IFITM10: variants seen among roughly 807,000 people sequenced by gnomAD.
IFITM10 encodes interferon-induced transmembrane protein 10.
In IFITM10, 17 loss-of-function variants were observed where a neutral mutation model predicts 19.0. The ratio of observed to expected loss-of-function variants is 0.90; its 90% CI spans 0.61 to 1.34. The LOEUF (loss-of-function observed/expected upper bound fraction) is 1.34. IFITM10 is among the 40% of genes most tolerant of loss of function. The pLI is 0.00. For missense variants in IFITM10, 306 were observed against 319.8 expected (o/e 0.96, Z 0.33); for synonymous variants, 148 against 147.2 (o/e 1.01, Z -0.04).
rs575147109 is a variant in IFITM10 at position 1,736,097 on chromosome 11, C to T, written c.538-668G>A. ...GGCCCTCCCCTCCTCAGCACTCTTT[C>T]CTTCTATCACATCCACAAATATGTG... On this transcript the variant is annotated intron_variant, in intron 2 of 2. Transcript: ENST00000340134. Among the ~76,000 whole-genome samples the T allele has an allele frequency of 6.5e-4, 99 of 152,324 alleles. 1 individual carries two copies. The highest frequency in any genetic ancestry group is 3.4e-3 in the Middle Eastern group (1 of 294).
At chr11:1,749,377 C>T (rs988333776) in intron 1 of IFITM10, among the ~76,000 whole-genome samples, 2 of 151,940 alleles carry the variant, frequency 1.3e-5, no homozygotes, top group Non-Finnish European at 2.9e-5. Flanking sequence ...ACCAGGGTGT[C>T]CGCGCCACCT....
chr11:1,746,482 TCA>T (rs1463314485), intron 2 of IFITM10: 1 of 397,492 alleles, frequency 2.5e-6, no homozygotes, highest in African/African-American at 2.1e-5. Flanking sequence ...ACGTGCTGGC[TCA>T]CACACAGGCC....
chr11:1,749,977 A>G lies in IFITM10; in HGVS notation c.84+382T>C, dbSNP rs573043004. Among the ~76,000 whole-genome samples the G allele has an allele frequency of 5.8e-3, 885 of 152,150 alleles. 1 individual carries two copies. The highest frequency in any genetic ancestry group is 0.034 in the Middle Eastern group (10 of 294). ...CCCAGGTCATGCTCCATCTGCTCGC[A>G]GGGCAAAGTGTCCCGTTCCGAGCTC... On this transcript the variant is annotated intron_variant, in intron 1 of 2. Transcript: ENST00000340134.
At position 1,747,939 on chromosome 11, in the gene IFITM10, G is replaced by A; in HGVS notation, c.265C>T (p.Pro89Ser). Residue 89 changes from proline (P) to serine (S), a missense_variant, in exon 2 of 3, where the codon CCT becomes TCT. Coordinates refer to ENST00000340134, the MANE Select transcript of IFITM10 (RefSeq NM_001170820.4). ...GGAGAGGCCGAGGGCTCAGGGGCAGGGGCCGCCGGAGCCTGCAGGGCAGGG... is the reference window on the plus strand; with the variant it reads ...GGAGAGGCCGAGGGCTCAGGGGCAGAGGCCGCCGGAGCCTGCAGGGCAGGG... ...KPPALQAPAA[P>S]APEPSASPPM... 6.8e-7 allele frequency: 1 copy of A among 1,476,584 alleles called. No homozygotes were observed. Among genetic ancestry groups the A allele is most frequent in the Non-Finnish European group, 9.0e-7 (1 of 1,111,138 alleles). 91.5% of individuals were successfully genotyped at this position (1,476,584 alleles called of 1,614,324 possible).
At chr11:1,749,651 G>A (rs373881962) in intron 1 of IFITM10, among the ~76,000 whole-genome samples, 57 of 151,596 alleles carry the variant, frequency 3.8e-4, no homozygotes, top group African/African-American at 1.4e-3. Flanking sequence ...CCCTCCTGAC[G>A]AAGCTCCAGT....
intron 2 of IFITM10, 25 bp downstream of exon 2, chr11:1,747,642 G>A: frequency 6.5e-7 from 1 of 1,547,236 alleles, no homozygotes; most frequent in South Asian, 1.2e-5. Flanking sequence ...GCCCGCCCTT[G>A]CCCCCTGCCA....
chr11:1,744,554 C>A (rs1384169011), intron 2 of IFITM10: 1 of 152,690 alleles, frequency 6.5e-6, no homozygotes, highest in Non-Finnish European at 1.5e-5. Flanking sequence ...TCTCTGCCTT[C>A]CCCGGACACC....
At chr11:1,735,867 T>G (rs1851081897) in intron 2 of IFITM10, among the ~76,000 whole-genome samples, 1 of 152,178 alleles carries the variant, frequency 6.6e-6, no homozygotes, top group Admixed American at 6.5e-5. Context: ...TCTCCTAATT[T>G]GATTGGTTCT....
chr11:1,746,351 C>A, intron 2 of IFITM10: 1 of 391,846 alleles, frequency 2.6e-6, no homozygotes. Flanking sequence ...CATGCACACA[C>A]ATGCACACAC....
intron 1 of IFITM10, chr11:1,749,058 G>A: frequency 8.8e-7 from 1 of 1,134,888 alleles, no homozygotes; most frequent in Non-Finnish European, 1.1e-6. Flanking sequence ...CCTGAGCCTC[G>A]GTGCGCGCGT....
intron 2 of IFITM10, 116 bp downstream of exon 2, chr11:1,747,551 G>C (rs965708033): frequency 3.3e-6 from 3 of 902,512 alleles, no homozygotes; most frequent in African/African-American, 1.7e-5. Context: ...AACTGCACCT[G>C]TTCTACCCGT....
At chr11:1,748,885 T>C (rs1262555523) in intron 1 of IFITM10, 1 of 205,128 alleles carries the variant, frequency 4.9e-6, no homozygotes, top group Middle Eastern at 2.0e-3. Flanking sequence ...AGGCACCAAG[T>C]CGCTCGCGCT....
At chr11:1,744,519 A>G (rs151187484) in intron 2 of IFITM10, 4 of 152,924 alleles carry the variant, frequency 2.6e-5, no homozygotes, top group African/African-American at 9.6e-5. Context: ...TGGAGGCGGC[A>G]TGAATGGAGA....
At chr11:1,750,317 C>A in intron 1 of IFITM10, 42 bp downstream of exon 1, 2 of 1,550,520 alleles carry the variant, frequency 1.3e-6, no homozygotes, top group Non-Finnish European at 1.7e-6. Flanking sequence ...AAGTCCCCCA[C>A]TTCACCACGC....
At chr11:1,736,623 G>C (rs1851089670) in intron 2 of IFITM10, among the ~76,000 whole-genome samples, 1 of 151,670 alleles carries the variant, frequency 6.6e-6, no homozygotes, top group South Asian at 2.1e-4. Context: ...AGTGAATGCA[G>C]TGAAGTGGAT....
At chr11:1,742,238 G>A (rs1449620422) in intron 2 of IFITM10, among the ~76,000 whole-genome samples, 2 of 152,088 alleles carry the variant, frequency 1.3e-5, no homozygotes, top group African/African-American at 2.4e-5. Flanking sequence ...AGAGAGAATG[G>A]ACATTTTACA....
intron 2 of IFITM10, 37 bp from the exon 3 acceptor site, chr11:1,735,466 C>T (rs943762604): frequency 6.5e-7 from 1 of 1,543,644 alleles, no homozygotes; most frequent in African/African-American, 1.4e-5. Flanking sequence ...GGGCAGTCAG[C>T]CAGGGAGCAG....
chr11:1,741,682 G>C (rs1207163732), intron 2 of IFITM10, among the ~76,000 whole-genome samples: 1 of 152,154 alleles, frequency 6.6e-6, no homozygotes, highest in African/African-American at 2.4e-5. Flanking sequence ...TATAGAGATG[G>C]ATGGAACAGG....
In IFITM10 at chr11:1,748,074, T is replaced by G; in HGVS notation, c.130A>C (p.Ser44Arg). ...QCPAPLGDPA[S>R]TTDGAQEARV... ...GCTTCCTGGGCGCCGTCCGTGGTGC[T>G]GGCCGGGTCTCCCAGCGGGGCTGGG... The change falls in exon 2 of 3, where the codon AGC becomes CGC. Residue 44 changes from serine to arginine, a missense_variant. Transcript: ENST00000340134. 1.4e-6 allele frequency: 2 copies of G among 1,414,224 alleles called. No individual in the cohort carries two copies. The highest frequency in any genetic ancestry group is 1.8e-6 in the Non-Finnish European group (2 of 1,090,988). 87.6% of individuals were successfully genotyped at this position (1,414,224 alleles called of 1,614,324 possible). A position where few individuals can be genotyped will look rare whatever the true frequency, so the allele number is the denominator to read the frequency against.
Sources: allele counts gnomAD v4.1 joint callset (sites outside exome capture counted in the v4.1 genomes callset), GRCh38; gene constraint gnomAD v4.1.1; transcripts MANE v1.5; gene names NCBI Gene and HGNC (gene_info 2026-07-23, HGNC 2026-07-21).